EYS: variants seen among roughly 807,000 people sequenced by gnomAD.
EYS encodes EGF-like photoreceptor maintenance factor.
Under a neutral mutation model 282.1 loss-of-function variants are expected in EYS, and 250 were observed. The ratio of observed to expected loss-of-function variants is 0.89; its 90% CI spans 0.80 to 0.98. The LOEUF (loss-of-function observed/expected upper bound fraction) is 0.98. EYS is among the 50% of genes least tolerant of loss of function. The pLI, the probability that EYS is intolerant of heterozygous loss-of-function variation, is 0.00. For synonymous variants in EYS, 1,355 were observed against 1,282.9 expected (o/e 1.06, Z -1.20); for missense variants, 4,016 against 3,709.0 (o/e 1.08, Z -2.15).
At chr6:65,238,085 CAA>C (rs1305096213) in intron 12 of EYS, among the ~76,000 whole-genome samples, 1 of 151,540 alleles carries the variant, frequency 6.6e-6, no homozygotes, top group East Asian at 1.9e-4. Context: ...TCTTTTTTAC[CAA>C]AGTTTGATTT....
intron 37 of EYS, chr6:63,797,882 G>A (rs1191925153): frequency 6.6e-6 from 1 of 152,200 alleles, no homozygotes; most frequent in Non-Finnish European, 1.5e-5. Context: ...ATATGAAAAT[G>A]TGATAAAATG....
intron 12 of EYS, among the ~76,000 whole-genome samples, chr6:65,220,556 G>A (rs1465598995): frequency 6.6e-6 from 1 of 152,126 alleles, no homozygotes; most frequent in Non-Finnish European, 1.5e-5. Context: ...GCGGAACTGT[G>A]AGTCCATTAA....
At chr6:65,215,955 A>G (rs1035085737) in intron 12 of EYS, among the ~76,000 whole-genome samples, 4 of 152,220 alleles carry the variant, frequency 2.6e-5, no homozygotes, top group African/African-American at 9.6e-5. Flanking sequence ...AATATAGTAT[A>G]CTTTAAACAT....
Position 63,720,333 on chromosome 6 carries a change from AGT to A in EYS, c.*261_*262del. The A allele has an allele frequency of 2.5e-6, 1 of 407,292 alleles. No individual in the cohort carries two copies. Among genetic ancestry groups the A allele is most frequent in the Non-Finnish European group, 4.3e-6 (1 of 230,550 alleles). The allele number at this position is 407,292 out of a possible 1,614,324, so 25.2% of individuals were successfully genotyped here. ...GGATAGGTAAAAAGTGAATAAGCAA[AGT>A]GAATAAGCACATTCTGTGAATAAGC... On this transcript the variant is annotated 3_prime_UTR_variant, in exon 43 of 43. Coordinates refer to ENST00000503581, the MANE Select transcript of EYS (RefSeq NM_001142800.2).
At chr6:64,475,190 CACTGTATTT>C (rs1168073485) in intron 26 of EYS, among the ~76,000 whole-genome samples, 1 of 152,152 alleles carries the variant, frequency 6.6e-6, no homozygotes, top group East Asian at 1.9e-4. Flanking sequence ...TGGTATCATA[CACTGTATTT>C]CTGCCTCATA....
intron 2 of EYS, among the ~76,000 whole-genome samples, chr6:65,502,906 A>G (rs546405328): frequency 1.3e-5 from 2 of 151,838 alleles, no homozygotes; most frequent in African/African-American, 2.4e-5. Context: ...AGTAGTCACC[A>G]TTAATGTTAA....
intron 11 of EYS, among the ~76,000 whole-genome samples, chr6:65,317,907 G>T: frequency 7.2e-6 from 1 of 139,288 alleles, no homozygotes; most frequent in African/African-American, 2.7e-5. Context: ...TCCCTCTGTT[G>T]CCCAGGCTGG....
rs145981119 is a variant in EYS, at chr6:64,807,233, AT to A, written c.3443+6144del. 7.0e-3 allele frequency among the ~76,000 whole-genome samples: 1,065 copies of A among 152,070 alleles called. 13 individuals carry two copies. The highest frequency in any genetic ancestry group is 0.023 in the African/African-American group (972 of 41,504). On this transcript the variant is annotated intron_variant, in intron 22 of 42. Transcript: ENST00000503581. ...AATATTTCTTCTCTTTTTACCATATATTTTTTTCTTTTGTATTTGATATTTC... is the reference window on the plus strand; with the variant it reads ...AATATTTCTTCTCTTTTTACCATATATTTTTTCTTTTGTATTTGATATTTC...
intron 29 of EYS, among the ~76,000 whole-genome samples, chr6:64,320,491 T>C (rs756618068): frequency 1.3e-4 from 20 of 151,896 alleles, no homozygotes; most frequent in African/African-American, 2.4e-5. Flanking sequence ...AGGTATTATA[T>C]TTTTATCTTT....
At chr6:64,159,930 A>G (rs1775053599) in intron 31 of EYS, among the ~76,000 whole-genome samples, 1 of 152,174 alleles carries the variant, frequency 6.6e-6, no homozygotes, top group Non-Finnish European at 1.5e-5. Flanking sequence ...TTTTTTTGGT[A>G]TTAAGTAATT....
intron 37 of EYS, among the ~76,000 whole-genome samples, chr6:63,804,252 G>A (rs1308423370): frequency 6.6e-6 from 1 of 152,144 alleles, no homozygotes; most frequent in African/African-American, 2.4e-5. Flanking sequence ...CTGACCTCAG[G>A]TGATCCACCC....
intron 31 of EYS, among the ~76,000 whole-genome samples, chr6:64,120,211 C>T (rs1361674791): frequency 6.6e-6 from 1 of 151,064 alleles, no homozygotes; most frequent in Non-Finnish European, 1.5e-5. Flanking sequence ...AAAAAATTAG[C>T]CAGGCATGGT....
At chr6:63,859,240 T>C (rs995590543) in intron 36 of EYS, among the ~76,000 whole-genome samples, 1 of 152,082 alleles carries the variant, frequency 6.6e-6, no homozygotes, top group Non-Finnish European at 1.5e-5. Context: ...CATTATGTGT[T>C]AAGCACTTTA....
At chr6:65,212,217 A>T (rs1479446857) in intron 12 of EYS, among the ~76,000 whole-genome samples, 1 of 152,114 alleles carries the variant, frequency 6.6e-6, no homozygotes, top group African/African-American at 2.4e-5. Context: ...CAATTTGAGT[A>T]CTATACAAGA....
intron 5 of EYS, among the ~76,000 whole-genome samples, chr6:65,485,351 A>G (rs1389285387): frequency 6.6e-6 from 1 of 152,232 alleles, no homozygotes; most frequent in Non-Finnish European, 1.5e-5. Context: ...GTCTTCTTAC[A>G]TATCACTCTG....
chr6:64,779,412 T>A (rs1036531618), intron 22 of EYS, among the ~76,000 whole-genome samples: 1 of 152,120 alleles, frequency 6.6e-6, no homozygotes, highest in African/African-American at 2.4e-5. Flanking sequence ...ACTGTATGAT[T>A]CTTATTATAT....
chr6:64,104,863 C>T (rs994708603), intron 31 of EYS, among the ~76,000 whole-genome samples: 2 of 151,184 alleles, frequency 1.3e-5, no homozygotes, highest in East Asian at 1.9e-4. Flanking sequence ...TTGGTAGTCA[C>T]GACCATCAAC....
chr6:65,490,673 T>C lies in EYS; in HGVS notation c.783A>G (p.Gln261=). ...AGTTTCCATGGAAACAGACATGTGGTTGACACTGGCCAATTATTTCTGAGC... is the reference window on the plus strand; with the variant it reads ...AGTTTCCATGGAAACAGACATGTGGCTGACACTGGCCAATTATTTCTGAGC... The part of the protein sequence containing the change: ...KNCSEIIGQC[Q]PHVCFHGNCS... The change falls in exon 5 of 43, where the codon CAA becomes CAG. Residue 261 remains glutamine (Q), a synonymous_variant. Coordinates refer to ENST00000503581, the MANE Select transcript of EYS (RefSeq NM_001142800.2). 4 of 1,612,748 alleles carry C rather than the reference T, an allele frequency of 2.5e-6. No homozygotes were observed. Among genetic ancestry groups the C allele is most frequent in the Non-Finnish European group, 3.4e-6 (4 of 1,179,078 alleles).
chr6:65,210,590 G>A (rs1459347854), intron 12 of EYS, among the ~76,000 whole-genome samples: 1 of 151,848 alleles, frequency 6.6e-6, no homozygotes, highest in Non-Finnish European at 1.5e-5. Context: ...TCTCAGTTGT[G>A]GAAAGCTTGG....
Sources: gnomAD v4.1 joint callset for allele counts (sites outside exome capture counted in the v4.1 genomes callset) on GRCh38, gnomAD v4.1.1 for gene constraint, MANE v1.5 for transcripts, NCBI Gene and HGNC (gene_info 2026-07-23, HGNC 2026-07-21) for gene names.